SLC24A2: variants seen among roughly 807,000 people sequenced by gnomAD.
SLC24A2 encodes sodium/potassium/calcium exchanger 2.
SLC24A2 carries 36 observed loss-of-function variants against 62.0 expected under a neutral mutation model. The observed-to-expected ratio is 0.58, with a 90% CI of 0.44 to 0.77. SLC24A2 has a LOEUF of 0.77. Among genes scored for constraint, SLC24A2 ranks in the 30% least tolerant of loss-of-function variants. The pLI, the probability that SLC24A2 is intolerant of heterozygous loss-of-function variation, is 0.00. For missense variants in SLC24A2, 846 were observed against 817.9 expected (o/e 1.03, Z -0.42); for synonymous variants, 358 against 294.0 (o/e 1.22, Z -2.23).
chr9:19,724,257 T>G (rs1009176861), intron 2 of SLC24A2, among the ~76,000 whole-genome samples: 1 of 152,152 alleles, frequency 6.6e-6, no homozygotes, highest in African/African-American at 2.4e-5. Flanking sequence ...CACACTTGGT[T>G]AAGTGCATAG....
chr9:19,866,292 G>C, the SLC24A2 span, among the ~76,000 whole-genome samples: 3 of 152,168 alleles, frequency 2.0e-5, no homozygotes, highest in African/African-American at 7.2e-5. Context: ...ACAGTTTGGA[G>C]ATTCCTCAAA....
intron 2 of SLC24A2, among the ~76,000 whole-genome samples, chr9:19,767,463 G>C (rs138667020): frequency 3.7e-4 from 56 of 152,346 alleles, no homozygotes; most frequent in African/African-American, 1.2e-3. Context: ...TGGTCTGCGG[G>C]TTGTGAAGAC....
the SLC24A2 span, among the ~76,000 whole-genome samples, chr9:19,996,296 G>C: frequency 6.6e-6 from 1 of 152,014 alleles, no homozygotes; most frequent in African/African-American, 2.4e-5. Context: ...TAAGTCCTGG[G>C]GCATGGTCAG....
chr9:19,552,130 ATAT>A (rs1217422072), intron 7 of SLC24A2, among the ~76,000 whole-genome samples: 2 of 152,192 alleles, frequency 1.3e-5, no homozygotes, highest in African/African-American at 2.4e-5. Context: ...TGCAATTCAC[ATAT>A]TATTCCATCC....
At chr9:20,239,891 T>TGTC in the SLC24A2 span, among the ~76,000 whole-genome samples, 1 of 143,586 alleles carries the variant, frequency 7.0e-6, no homozygotes, top group Non-Finnish European at 1.5e-5. Flanking sequence ...TTTTTTTTTT[T>TGTC]GTCACGGAGT....
At chr9:20,242,528 C>T in the SLC24A2 span, among the ~76,000 whole-genome samples, 6 of 152,142 alleles carry the variant, frequency 3.9e-5, no homozygotes, top group East Asian at 1.2e-3. Context: ...ACAGCTGTTC[C>T]CAAGTCAGGG....
At chr9:19,738,144 T>C (rs550704911) in intron 2 of SLC24A2, among the ~76,000 whole-genome samples, 2 of 152,336 alleles carry the variant, frequency 1.3e-5, no homozygotes, top group East Asian at 3.9e-4. Context: ...TATGTAGTCA[T>C]GCTATCTAGG....
At chr9:19,855,632 C>T in the SLC24A2 span, among the ~76,000 whole-genome samples, 7 of 152,188 alleles carry the variant, frequency 4.6e-5, no homozygotes, top group Non-Finnish European at 8.8e-5. Flanking sequence ...TCTCTTCTGG[C>T]TTGTAGGGTT....
the SLC24A2 span, among the ~76,000 whole-genome samples, chr9:20,107,292 G>A: frequency 2.6e-5 from 4 of 151,984 alleles, no homozygotes; most frequent in South Asian, 2.1e-4. Flanking sequence ...TAGATTCAAT[G>A]CCATCCCCAT....
chr9:19,735,598 G>T lies in SLC24A2; in HGVS notation c.930+50339C>A, dbSNP rs138345717. 1.4e-3 allele frequency among the ~76,000 whole-genome samples: 220 copies of T among 152,234 alleles called. 1 individual carries two copies. In the East Asian group the frequency reaches 0.034, roughly 24 times the overall value. On this transcript the variant is annotated intron_variant, in intron 2 of 10. Coordinates refer to ENST00000341998, the MANE Select transcript of SLC24A2 (RefSeq NM_020344.4). ...CACTATTCACGACAGCAAAGACTTG[G>T]AACCAACCCAAATGTCCAACAATGA... is the stretch of plus-strand genomic sequence containing the variant.
At chr9:20,025,649 C>T in the SLC24A2 span, among the ~76,000 whole-genome samples, 1 of 152,108 alleles carries the variant, frequency 6.6e-6, no homozygotes, top group Non-Finnish European at 1.5e-5. Context: ...AATTCCAGTT[C>T]TTAAAAAGGT....
At chr9:19,833,029 A>G in the SLC24A2 span, among the ~76,000 whole-genome samples, 1,220 of 152,302 alleles carry the variant, frequency 8.0e-3, 19 homozygotes, top group African/African-American at 0.028. Flanking sequence ...TGCAAATCAA[A>G]ACCACAATGA....
chr9:19,983,203 T>A, the SLC24A2 span, among the ~76,000 whole-genome samples: 3 of 152,208 alleles, frequency 2.0e-5, no homozygotes, highest in Admixed American at 2.0e-4. Flanking sequence ...CAAACTGGAA[T>A]GAAAGACATA....
chr9:20,224,955 T>C, the SLC24A2 span, among the ~76,000 whole-genome samples: 2 of 152,042 alleles, frequency 1.3e-5, no homozygotes, highest in African/African-American at 2.4e-5. Context: ...AGCCAATGAC[T>C]ACAAATAAGA....
chr9:19,713,037 T>C lies in SLC24A2; in HGVS notation c.930+72900A>G, dbSNP rs149159533. Among the ~76,000 whole-genome samples the C allele has an allele frequency of 2.7e-3, 409 of 152,298 alleles. 2 individuals carry two copies. Among genetic ancestry groups the C allele is most frequent in the African/African-American group, 9.4e-3 (390 of 41,564 alleles). On this transcript the variant is annotated intron_variant, in intron 2 of 10. Coordinates refer to ENST00000341998, the MANE Select transcript of SLC24A2 (RefSeq NM_020344.4). ...GTACTCAGATGTCACCTCCAGGGAATCTTTTTCAAAACCCTACACCTCTCT... is the reference window on the plus strand; with the variant it reads ...GTACTCAGATGTCACCTCCAGGGAACCTTTTTCAAAACCCTACACCTCTCT...
chr9:20,063,151 C>A, the SLC24A2 span, among the ~76,000 whole-genome samples: 2 of 143,712 alleles, frequency 1.4e-5, no homozygotes, highest in Non-Finnish European at 3.0e-5. Context: ...GGTATATACC[C>A]AAAGGACTAT....
At chr9:20,127,857 G>C in the SLC24A2 span, among the ~76,000 whole-genome samples, 4 of 152,108 alleles carry the variant, frequency 2.6e-5, no homozygotes, top group Admixed American at 2.6e-4. Context: ...TTCTTAACTA[G>C]AGGAGAGACG....
At chr9:19,702,621 C>T (rs1004419639) in intron 2 of SLC24A2, among the ~76,000 whole-genome samples, 8 of 152,254 alleles carry the variant, frequency 5.3e-5, no homozygotes, top group South Asian at 2.1e-4. Flanking sequence ...CTGATGTCTG[C>T]GTCTTGCATT....
intron 2 of SLC24A2, among the ~76,000 whole-genome samples, chr9:19,623,613 G>A (rs975942308): frequency 1.5e-4 from 23 of 152,274 alleles, no homozygotes; most frequent in Admixed American, 1.2e-3. Context: ...ATCTTGCAAA[G>A]TGAAAAAATC....
Sources: allele counts gnomAD v4.1 joint callset (sites outside exome capture counted in the v4.1 genomes callset), GRCh38; gene constraint gnomAD v4.1.1; transcripts MANE v1.5; gene names NCBI Gene and HGNC (gene_info 2026-07-23, HGNC 2026-07-21).